LPCAT3: variants seen among roughly 807,000 people sequenced by gnomAD.
LPCAT3 encodes lysophospholipid acyltransferase 5.
Under a neutral mutation model 63.4 loss-of-function variants are expected in LPCAT3, and 21 were observed. The ratio of observed to expected loss-of-function variants is 0.33; its 90% CI spans 0.23 to 0.48. The LOEUF is 0.48. Among genes scored for constraint, LPCAT3 ranks in the 20% least tolerant of loss-of-function variants. LPCAT3 has a pLI of 0.99. For synonymous variants in LPCAT3, 242 were observed against 227.5 expected (o/e 1.06, Z -0.58); for missense variants, 451 against 590.6 (o/e 0.76, Z 2.45).
In LPCAT3 at chr12:6,977,144, G is replaced by A; in HGVS notation, c.*2C>T. Reference sequence around the variant, plus strand: ...GCTGTATTAACTTACCAGGGAAATGGATTATTCCATCTTCTTTAACTTCTC... The same window carrying A: ...GCTGTATTAACTTACCAGGGAAATGAATTATTCCATCTTCTTTAACTTCTC... On this transcript the variant is annotated 3_prime_UTR_variant, in exon 12 of 13. Coordinates refer to ENST00000261407, the MANE Select transcript of LPCAT3 (RefSeq NM_005768.6). This position sits in a 1 kb window ranked among gnomAD's most constrained non-coding sequence, Gnocchi z 4.5. 6.3e-7 allele frequency: 1 copy of A among 1,583,016 alleles called. No individual in the cohort carries two copies. The highest frequency in any genetic ancestry group is 1.1e-5 in the South Asian group (1 of 90,410).
At chr12:7,013,270 G>GGCC (rs1453058150) in intron 1 of LPCAT3, among the ~76,000 whole-genome samples, 3 of 152,220 alleles carry the variant, frequency 2.0e-5, no homozygotes, top group African/African-American at 7.2e-5. Context: ...ACTGAACAAA[G>GGCC]GCCATGTGGC....
At chr12:6,991,806 C>T (rs782297699) in intron 1 of LPCAT3, among the ~76,000 whole-genome samples, 12 of 152,154 alleles carry the variant, frequency 7.9e-5, no homozygotes, top group Non-Finnish European at 1.2e-4. Flanking sequence ...CTTGAATAAT[C>T]GCCCAAATGC....
Position 6,981,100 on chromosome 12 carries a change from T to G in LPCAT3, c.581A>C (p.Tyr194Ser). 1 of 1,613,954 alleles carries G rather than the reference T, an allele frequency of 6.2e-7. No individual in the cohort carries two copies. ...LLEVAGFSYF[Y>S]GAFLVGPQFS... Reference sequence around the variant, plus strand: ...CTGGGGCCCTACCAAGAAGGCCCCATAGAAGTAGGAGAAACCAGCAACTTC... The same window carrying G: ...CTGGGGCCCTACCAAGAAGGCCCCAGAGAAGTAGGAGAAACCAGCAACTTC... Residue 194 changes from tyrosine (Y) to serine (S), a missense_variant, in exon 6 of 13, where the codon TAT (tyrosine) becomes TCT (serine). Physicochemically the swap from Tyr to Ser is moderately radical, Grantham distance 144 (BLOSUM62 -2). Coordinates refer to ENST00000261407, the MANE Select transcript of LPCAT3 (RefSeq NM_005768.6).
At chr12:7,000,586 T>TAAAA (rs1946677037) in intron 1 of LPCAT3, among the ~76,000 whole-genome samples, 1 of 51,428 alleles carries the variant, frequency 1.9e-5, no homozygotes, top group South Asian at 8.3e-4. Context: ...AGACTCAGTC[T>TAAAA]CAAAAAAAAA....
chr12:6,985,462 A>G (rs1555154713), intron 1 of LPCAT3, among the ~76,000 whole-genome samples: 1 of 151,858 alleles, frequency 6.6e-6, no homozygotes, highest in African/African-American at 2.4e-5. Flanking sequence ...CCTGTAAACC[A>G]AGGCACTTTG....
chr12:7,011,824 T>G (rs1324214906), intron 1 of LPCAT3, among the ~76,000 whole-genome samples: 1 of 152,180 alleles, frequency 6.6e-6, no homozygotes, highest in Non-Finnish European at 1.5e-5. Context: ...GTCTCCCTAT[T>G]TTATAGCAGT....
chr12:6,992,905 C>T (rs1946602485), intron 1 of LPCAT3, among the ~76,000 whole-genome samples: 1 of 152,184 alleles, frequency 6.6e-6, no homozygotes, highest in Admixed American at 6.5e-5. Flanking sequence ...TTTAAATCAT[C>T]TCTGGATTAC....
At chr12:7,001,449 C>T in intron 1 of LPCAT3, 1 of 456,056 alleles carries the variant, frequency 2.2e-6, no homozygotes, top group Non-Finnish European at 4.4e-6. Flanking sequence ...GCTGCTACTG[C>T]CAGAATTCTG....
Position 7,018,053 on chromosome 12 carries a change from G to A in LPCAT3, c.151+221C>T, listed in dbSNP as rs1416867994. Among the ~76,000 whole-genome samples, 1 of 152,146 alleles carries A rather than the reference G, an allele frequency of 6.6e-6. No homozygotes were observed. Among genetic ancestry groups the A allele is most frequent in the Non-Finnish European group, 1.5e-5 (1 of 68,000 alleles). ...CTGAGAGGCCAGAGGGCATGGCAGG[G>A]GTTGAAGAGAAAGATGAAGAGGTTC... On this transcript the variant is annotated intron_variant, in intron 1 of 12. Coordinates refer to ENST00000261407, the MANE Select transcript of LPCAT3 (RefSeq NM_005768.6). The surrounding 1 kb of genome is among the most constrained non-coding windows in gnomAD (Gnocchi z 4.9).
At position 7,017,003 on chromosome 12, in the gene LPCAT3, A is replaced by G. The variant is rs1352661612; in HGVS notation, c.151+1271T>C. On this transcript the variant is annotated intron_variant, in intron 1 of 12. Coordinates refer to ENST00000261407, the MANE Select transcript of LPCAT3 (RefSeq NM_005768.6). This position sits in a 1 kb window ranked among gnomAD's most constrained non-coding sequence, Gnocchi z 4.1. ...TTAAATATGAATTAATGCCTATCCC[A>G]TTATCTAGATTGGGTTAACACCCTC... Among the ~76,000 whole-genome samples, 3 of 152,222 alleles carry G rather than the reference A, an allele frequency of 2.0e-5. No individual in the cohort carries two copies. The highest frequency in any genetic ancestry group is 2.9e-5 in the Non-Finnish European group (2 of 68,040).
Position 6,979,097 on chromosome 12 carries a change from C to T in LPCAT3, c.786+374G>A, listed in dbSNP as rs1015126594. The T allele has an allele frequency of 5.0e-5, 15 of 300,504 alleles. No homozygotes were observed. In the Middle Eastern group the frequency reaches 3.0e-3, roughly 60 times the overall value. 18.6% of individuals were successfully genotyped at this position (300,504 alleles called of 1,614,324 possible). A position where few individuals can be genotyped will look rare whatever the true frequency, so the allele number is the denominator to read the frequency against. On this transcript the variant is annotated intron_variant, in intron 7 of 12. Transcript: ENST00000261407. ...AGGAGCAAAAGCCAGCACTTCCCCC[C>T]TTCCCTTGGTTTCTGAATTCCCTAG... is the stretch of plus-strand genomic sequence containing the variant.
At chr12:6,989,540 C>T (rs1946567848) in intron 1 of LPCAT3, among the ~76,000 whole-genome samples, 2 of 152,016 alleles carry the variant, frequency 1.3e-5, no homozygotes, top group African/African-American at 2.4e-5. Context: ...CCTCGTGATC[C>T]GCCCGCCTCG....
chr12:7,003,847 G>A (rs1231895111), intron 1 of LPCAT3, among the ~76,000 whole-genome samples: 2 of 151,270 alleles, frequency 1.3e-5, no homozygotes, highest in Non-Finnish European at 2.9e-5. Flanking sequence ...GCGTGAACCC[G>A]GGAAGCGGAG....
intron 1 of LPCAT3, chr12:6,997,377 TTATGTGTGTGTGTGTGTGTG>T (rs1946645891): frequency 1.1e-5 from 1 of 91,716 alleles, no homozygotes; most frequent in South Asian, 3.8e-4. Context: ...CAACAGCAAA[TTATGTGTGTGTGTGTGTGTG>T]TGTGTGTGTG....
At chr12:6,981,976 C>T in intron 3 of LPCAT3, 72 bp from the exon 4 acceptor site, 1 of 846,158 alleles carries the variant, frequency 1.2e-6, no homozygotes, top group African/African-American at 1.7e-5. Context: ...TCAATGTTCT[C>T]TTTCCTTTTT....
intron 1 of LPCAT3, among the ~76,000 whole-genome samples, chr12:7,003,639 G>A (rs1287291782): frequency 1.3e-5 from 2 of 152,104 alleles, no homozygotes; most frequent in Non-Finnish European, 2.9e-5. Flanking sequence ...TACCTAGGAT[G>A]CGGCCGGGCG....
At chr12:7,015,180 T>G (rs1410007228) in intron 1 of LPCAT3, among the ~76,000 whole-genome samples, 1 of 152,202 alleles carries the variant, frequency 6.6e-6, no homozygotes. Context: ...GTAAAAAAAG[T>G]AAGATGTTAA....
At chr12:6,978,564 C>T in intron 8 of LPCAT3, 39 bp downstream of exon 8, 1 of 1,613,318 alleles carries the variant, frequency 6.2e-7, no homozygotes, top group South Asian at 1.1e-5. Context: ...GCCCCCATGG[C>T]TTGTCTAAAT....
At chr12:6,983,638 A>T in intron 1 of LPCAT3, 99 bp from the exon 2 acceptor site, 1 of 723,618 alleles carries the variant, frequency 1.4e-6, no homozygotes, top group Non-Finnish European at 2.4e-6. Flanking sequence ...CCAGAGGGAG[A>T]GAGAAAAAAA....
Sources: allele counts gnomAD v4.1 joint callset (sites outside exome capture counted in the v4.1 genomes callset), GRCh38; gene constraint gnomAD v4.1.1; non-coding constraint Gnocchi (gnomAD v3.1); transcripts MANE v1.5; gene names NCBI Gene and HGNC (gene_info 2026-07-23, HGNC 2026-07-21).